ST14: variants seen among roughly 807,000 people sequenced by gnomAD.
ST14 encodes the protein ST14 transmembrane serine protease matriptase, also known as suppressor of tumorigenicity 14 protein.
In ST14, 40 loss-of-function variants were observed where a neutral mutation model predicts 96.5. The observed-to-expected ratio is 0.41, with a 90% CI of 0.32 to 0.54. ST14 has a LOEUF of 0.54. ST14 is among the 20% of genes least tolerant of loss of function. The probability of loss-of-function intolerance (pLI) is 0.17; values close to 1 mark genes in which losing one functional copy is unlikely to be tolerated. For missense variants in ST14, 1,066 were observed against 1,188.9 expected (o/e 0.90, Z 1.52); for synonymous variants, 506 against 492.1 (o/e 1.03, Z -0.37).
chr11:130,190,699 G>A lies in ST14; in HGVS notation c.875+5G>A. ...GGAGCCCCACGCCCTGGTGCAGTGA[G>A]TACCCCGGGGGGCGGGTAGGGCTGT... On this transcript the variant is annotated splice_donor_5th_base_variant and intron_variant, in intron 7 of 18. Coordinates refer to ENST00000278742, the MANE Select transcript of ST14 (RefSeq NM_021978.4). The A allele has an allele frequency of 6.4e-7, 1 of 1,573,060 alleles. No individual in the cohort carries two copies. Among genetic ancestry groups the A allele is most frequent in the Non-Finnish European group, 8.6e-7 (1 of 1,159,772 alleles).
intron 16 of ST14, among the ~76,000 whole-genome samples, chr11:130,205,883 G>T (rs1447145163): frequency 6.6e-6 from 1 of 151,948 alleles, no homozygotes; most frequent in Non-Finnish European, 1.5e-5. Flanking sequence ...ATTTTTAGTA[G>T]AGACGGGGTT....
intron 9 of ST14, 106 bp from the exon 10 acceptor site, chr11:130,196,233 G>A (rs1170767202): frequency 3.6e-6 from 3 of 825,906 alleles, no homozygotes; most frequent in Non-Finnish European, 6.1e-6. Context: ...GGTGATGGAA[G>A]GCATACCATC....
At chr11:130,185,189 C>G (rs371454350) in intron 1 of ST14, among the ~76,000 whole-genome samples, 1 of 152,086 alleles carries the variant, frequency 6.6e-6, no homozygotes, top group South Asian at 2.1e-4. Flanking sequence ...GGAACAAATA[C>G]AAGATGCCAT....
chr11:130,194,126 A>C (rs375769757), intron 7 of ST14, 23 bp from the exon 8 acceptor site: 1 of 1,614,008 alleles, frequency 6.2e-7, no homozygotes, highest in East Asian at 2.2e-5. Context: ...GCTCTTCCTA[A>C]TGCCCGCCCT....
chr11:130,168,039 C>G (rs566303357), intron 1 of ST14, among the ~76,000 whole-genome samples: 1 of 152,286 alleles, frequency 6.6e-6, no homozygotes, highest in East Asian at 1.9e-4. Context: ...AACATTCTAT[C>G]TTAGATAGCT....
At position 130,189,689 on chromosome 11, in the gene ST14, G is replaced by A. The variant is rs574932877; in HGVS notation, c.441-50G>A. On this transcript the variant is annotated intron_variant, in intron 4 of 18. Transcript: ENST00000278742. ...TCCTGGAGTCGCTCTGGGCGCACGT[G>A]GGGGAAATGGGGCCCAGAGCTCCGC... is the stretch of plus-strand genomic sequence containing the variant. 11 of 1,601,262 alleles carry A rather than the reference G, an allele frequency of 6.9e-6. No individual in the cohort carries two copies. In the South Asian group the frequency reaches 9.9e-5, roughly 14 times the overall value.
At chr11:130,208,031 ACCACC>A (rs1953506672) in intron 16 of ST14, among the ~76,000 whole-genome samples, 1 of 152,190 alleles carries the variant, frequency 6.6e-6, no homozygotes, top group Admixed American at 6.5e-5. Flanking sequence ...AGATCATGCC[ACCACC>A]GCACTCCAGT....
intron 1 of ST14, among the ~76,000 whole-genome samples, chr11:130,173,095 T>C (rs1171192450): frequency 6.6e-6 from 1 of 152,146 alleles, no homozygotes; most frequent in African/African-American, 2.4e-5. Context: ...GTGCCTCAGT[T>C]TTCCCCCTCT....
At chr11:130,171,586 G>C (rs57920430) in intron 1 of ST14, among the ~76,000 whole-genome samples, 7,458 of 152,240 alleles carry the variant, frequency 0.049, 527 homozygotes, top group African/African-American at 0.16. Context: ...GGTCTCTTGA[G>C]TGGTGCAAGA....
At chr11:130,162,624 A>G (rs1205225183) in intron 1 of ST14, among the ~76,000 whole-genome samples, 1 of 152,172 alleles carries the variant, frequency 6.6e-6, no homozygotes, top group Non-Finnish European at 1.5e-5. Flanking sequence ...TCATTCACAT[A>G]ACAATATCTG....
rs1158650274 is a variant in ST14 at position 130,198,732 on chromosome 11, T to C, written c.1684+111T>C. ...GAGTTTAATGAACACAAACCACCTG[T>C]GTGTTAAGTGTGATGAGAAAGGGCT... On this transcript the variant is annotated intron_variant, in intron 14 of 18. Transcript: ENST00000278742. 4 of 1,306,160 alleles carry C rather than the reference T, an allele frequency of 3.1e-6. No homozygotes were observed. The African/African-American group carries it at 4.4e-5, about 14-fold the overall frequency. 80.9% of individuals were successfully genotyped at this position (1,306,160 alleles called of 1,614,324 possible). A position where few individuals can be genotyped will look rare whatever the true frequency, so the allele number is the denominator to read the frequency against.
rs1171826948 is a variant in ST14 at position 130,199,062 on chromosome 11, G to A, written c.1800G>A (p.Lys600=). The A allele has an allele frequency of 6.2e-7, 1 of 1,613,660 alleles. No individual in the cohort carries two copies. The highest frequency in any genetic ancestry group is 1.7e-5 in the Admixed American group (1 of 60,008). ...KEDCSDGSDE[K]DCDCGLRSFT... Reference sequence around the variant, plus strand: ...ACTGTAGCGACGGCTCAGATGAGAAGGACTGCGGTGAGCAGGGCATCCGAG... The same window carrying A: ...ACTGTAGCGACGGCTCAGATGAGAAAGACTGCGGTGAGCAGGGCATCCGAG... The change falls in exon 15 of 19, where the codon AAG becomes AAA. Residue 600 remains lysine (K), a synonymous_variant. Coordinates refer to ENST00000278742, the MANE Select transcript of ST14 (RefSeq NM_021978.4).
rs1002180782 is a variant in ST14 at position 130,191,265 on chromosome 11, G to A, written c.875+571G>A. On this transcript the variant is annotated intron_variant, in intron 7 of 18. Coordinates refer to ENST00000278742, the MANE Select transcript of ST14 (RefSeq NM_021978.4). ...AGGAGGATCTCCAGCCCAGGAGGTC[G>A]AGGCTGCAGTGAGCGGTGATTGCAC... Among the ~76,000 whole-genome samples, 6 of 152,154 alleles carry A rather than the reference G, an allele frequency of 3.9e-5. No individual in the cohort carries two copies. In the East Asian group the frequency reaches 7.7e-4, roughly 20 times the overall value.
rs761791679 is a variant in ST14, at chr11:130,190,526, G to A, written c.707G>A (p.Ser236Asn). The A allele has an allele frequency of 6.2e-7, 1 of 1,610,816 alleles. No homozygotes were observed. Reference protein sequence around the residue: ...MRFTTPGFPDSPYPAHARCQW... With the variant: ...MRFTTPGFPDNPYPAHARCQW... ...TTCACCACGCCCGGCTTCCCTGACA[G>A]CCCCTACCCCGCTCATGCCCGCTGC... The change falls in exon 7 of 19, where the codon AGC becomes AAC. Residue 236 changes from serine to asparagine, a missense_variant. Physicochemically the swap from Ser to Asn is conservative, Grantham distance 46. Transcript: ENST00000278742.
At chr11:130,203,110 G>T (rs1591895700) in intron 16 of ST14, among the ~76,000 whole-genome samples, 1 of 152,158 alleles carries the variant, frequency 6.6e-6, no homozygotes, top group Non-Finnish European at 1.5e-5. Context: ...TCATGAAAGC[G>T]GGGTCTTGAG....
chr11:130,201,203 T>G (rs1953424128), intron 16 of ST14, among the ~76,000 whole-genome samples: 1 of 152,228 alleles, frequency 6.6e-6, no homozygotes, highest in African/African-American at 2.4e-5. Context: ...CTGCGCTATT[T>G]GTGTCTTAGC....
chr11:130,190,733 G>C, intron 7 of ST14, 39 bp downstream of exon 7: 2 of 1,537,308 alleles, frequency 1.3e-6, no homozygotes. Flanking sequence ...GTGGGAGCTT[G>C]GCGGCTGCCC....
At chr11:130,170,972 T>A (rs1953087189) in intron 1 of ST14, among the ~76,000 whole-genome samples, 1 of 152,202 alleles carries the variant, frequency 6.6e-6, no homozygotes, top group African/African-American at 2.4e-5. Flanking sequence ...GGGCCTGTGC[T>A]AGCAATGACA....
chr11:130,169,386 C>G (rs565361924), intron 1 of ST14, among the ~76,000 whole-genome samples: 1 of 152,142 alleles, frequency 6.6e-6, no homozygotes, highest in African/African-American at 2.4e-5. Flanking sequence ...TGAGCCACCA[C>G]GCCTGGCCTA....
Sources: allele counts gnomAD v4.1 joint callset (sites outside exome capture counted in the v4.1 genomes callset), GRCh38; gene constraint gnomAD v4.1.1; transcripts MANE v1.5; gene names NCBI Gene and HGNC (gene_info 2026-07-23, HGNC 2026-07-21).